Variants in GABRA5 observed in about 807,000 individuals in gnomAD.
The protein encoded by GABRA5 is gamma-aminobutyric acid type A receptor subunit alpha5.
A neutral mutation model predicts 47.3 loss-of-function variants in GABRA5; 18 were observed. The observed-to-expected ratio is 0.38, with a 90% CI of 0.26 to 0.56. The LOEUF (loss-of-function observed/expected upper bound fraction) is 0.56. Ranked by LOEUF, GABRA5 falls within the 20% of genes least tolerant of loss-of-function variation. The pLI, the probability that GABRA5 is intolerant of heterozygous loss-of-function variation, is 0.71. For missense variants in GABRA5, 365 were observed against 599.3 expected (o/e 0.61, Z 4.08); for synonymous variants, 237 against 229.3 (o/e 1.03, Z -0.30).
At chr15:26,889,988 T>A (rs1892966646) in intron 6 of GABRA5, among the ~76,000 whole-genome samples, 1 of 152,246 alleles carries the variant, frequency 6.6e-6, no homozygotes, top group South Asian at 2.1e-4. Context: ...TTTACAATTT[T>A]AAAATATACA....
intron 7 of GABRA5, among the ~76,000 whole-genome samples, chr15:26,929,218 CTG>C (rs533832444): frequency 1.3e-3 from 202 of 152,298 alleles, no homozygotes; most frequent in African/African-American, 4.6e-3. Context: ...AGCTGTGAAA[CTG>C]TGACCAGACA....
At chr15:26,896,218 A>T (rs1460008909) in intron 6 of GABRA5, among the ~76,000 whole-genome samples, 2 of 152,202 alleles carry the variant, frequency 1.3e-5, no homozygotes, top group Non-Finnish European at 2.9e-5. Flanking sequence ...ACAAACATTT[A>T]TCGGTGTCTC....
intron 6 of GABRA5, among the ~76,000 whole-genome samples, chr15:26,911,390 C>CACACAA (rs1555391764): frequency 8.8e-5 from 13 of 147,214 alleles, no homozygotes; most frequent in African/African-American, 2.5e-4. Context: ...CACACACACA[C>CACACAA]ACACACAAAC....
At chr15:26,932,937 G>T (rs1894143891) in intron 7 of GABRA5, among the ~76,000 whole-genome samples, 7 of 152,054 alleles carry the variant, frequency 4.6e-5, no homozygotes. Context: ...CACACACTGA[G>T]GCCTGTGGTG....
intron 7 of GABRA5, among the ~76,000 whole-genome samples, chr15:26,933,189 G>A (rs1894151172): frequency 6.6e-6 from 1 of 152,150 alleles, no homozygotes; most frequent in South Asian, 2.1e-4. Context: ...GGGGCTGAAA[G>A]CAAAAGCTGG....
At chr15:26,875,203 A>G (rs1374825169) in intron 3 of GABRA5, among the ~76,000 whole-genome samples, 1 of 151,752 alleles carries the variant, frequency 6.6e-6, no homozygotes, top group Non-Finnish European at 1.5e-5. Flanking sequence ...TGTCCAGGAG[A>G]CTCCTGGGGT....
intron 6 of GABRA5, among the ~76,000 whole-genome samples, chr15:26,886,817 A>G (rs1892891786): frequency 6.6e-6 from 1 of 152,170 alleles, no homozygotes; most frequent in African/African-American, 2.4e-5. Context: ...CAAGGTTGAT[A>G]ATGAGTTTTC....
At chr15:26,939,382 G>C (rs764832743) in intron 8 of GABRA5, 1 of 765,156 alleles carries the variant, frequency 1.3e-6, no homozygotes, top group Non-Finnish European at 2.4e-6. Context: ...CACCTCTCTG[G>C]TAGGTGGCAG....
chr15:26,916,729 GTTTTC>G (rs796876881), intron 7 of GABRA5, among the ~76,000 whole-genome samples: 30 of 151,940 alleles, frequency 2.0e-4, no homozygotes, highest in African/African-American at 6.7e-4. Flanking sequence ...ATTTGTTTGT[GTTTTC>G]TTTAATTTAT....
chr15:26,894,311 C>T (rs1320172775), intron 6 of GABRA5, among the ~76,000 whole-genome samples: 1 of 152,200 alleles, frequency 6.6e-6, no homozygotes, highest in Non-Finnish European at 1.5e-5. Flanking sequence ...TCCAGAGAGG[C>T]CGGTGTGCGT....
In GABRA5 at chr15:26,943,256, G is replaced by A. The variant is rs1356654135; in HGVS notation, c.919G>A (p.Ala307Thr). 9 of 1,563,582 alleles carry A rather than the reference G, an allele frequency of 5.8e-6. No individual in the cohort carries two copies. Among genetic ancestry groups the A allele is most frequent in the Admixed American group, 1.9e-5 (1 of 52,518 alleles). ...GACCATGACGACCCTCAGCATCAGCGCCAGGAACTCTCTGCCCAAAGTGGC... is the reference window on the plus strand; with the variant it reads ...GACCATGACGACCCTCAGCATCAGCACCAGGAACTCTCTGCCCAAAGTGGC... ...VLTMTTLSIS[A>T]RNSLPKVAYA... Residue 307 changes from alanine to threonine, a missense_variant, in exon 10 of 11, where the codon GCC becomes ACC. Physicochemically the swap from Ala to Thr is moderately conservative, Grantham distance 58 (BLOSUM62 0). Around this residue, in one of 3 missense-constraint regions of GABRA5, gnomAD observed 43 missense variants for 133.7 expected, o/e 0.32. Transcript: ENST00000335625.
intron 6 of GABRA5, among the ~76,000 whole-genome samples, chr15:26,895,579 G>A (rs949183249): frequency 9.9e-5 from 15 of 151,962 alleles, no homozygotes; most frequent in African/African-American, 3.6e-4. Context: ...TTGGGTGGCC[G>A]AAGCTGGCGG....
At chr15:26,915,026 C>T in intron 7 of GABRA5, 141 bp downstream of exon 7, 2 of 697,668 alleles carry the variant, frequency 2.9e-6, no homozygotes, top group Non-Finnish European at 5.0e-6. Flanking sequence ...GTGTATTGTT[C>T]TCCCCAGACT....
At chr15:26,902,208 G>A (rs1210910625) in intron 6 of GABRA5, among the ~76,000 whole-genome samples, 1 of 151,998 alleles carries the variant, frequency 6.6e-6, no homozygotes, top group Non-Finnish European at 1.5e-5. Flanking sequence ...GATTGGCATT[G>A]CATAGCATCT....
Position 26,886,663 on chromosome 15 carries a change from C to T in GABRA5, c.497+3106C>T, listed in dbSNP as rs530551174. Among the ~76,000 whole-genome samples the T allele has an allele frequency of 4.6e-5, 7 of 152,208 alleles. No individual in the cohort carries two copies. The East Asian group carries it at 9.7e-4, about 21-fold the overall frequency. Reference sequence around the variant, plus strand: ...GTTTAATCCACCACATTTGAAAATTCGAGGGACACAACATCATTAGATTGA... The same window carrying T: ...GTTTAATCCACCACATTTGAAAATTTGAGGGACACAACATCATTAGATTGA... On this transcript the variant is annotated intron_variant, in intron 6 of 10. Transcript: ENST00000335625.
Position 26,867,483 on chromosome 15 carries a change from G to A in GABRA5, c.-140+372G>A, listed in dbSNP as rs574473360. 256 of 152,456 alleles carry A rather than the reference G, an allele frequency of 1.7e-3. 1 individual carries two copies. Among genetic ancestry groups the A allele is most frequent in the African/African-American group, 5.7e-3 (238 of 41,520 alleles). The allele number at this position is 152,456 out of a possible 1,614,324, so 9.4% of individuals were successfully genotyped here. A position where few individuals can be genotyped will look rare whatever the true frequency, so the allele number is the denominator to read the frequency against. Reference sequence around the variant, plus strand: ...GCTCGGTCCGCACCCTTCTCCTCGGGGCGCCTGAGCGGCAGGCTGCGTGGC... The same window carrying A: ...GCTCGGTCCGCACCCTTCTCCTCGGAGCGCCTGAGCGGCAGGCTGCGTGGC... On this transcript the variant is annotated intron_variant, in intron 1 of 10. Coordinates refer to ENST00000335625, the MANE Select transcript of GABRA5 (RefSeq NM_000810.4). This position sits in a 1 kb window ranked among gnomAD's most constrained non-coding sequence, Gnocchi z 5.9.
intron 6 of GABRA5, 111 bp from the exon 7 acceptor site, chr15:26,914,692 G>A (rs758414066): frequency 2.6e-6 from 2 of 758,422 alleles, no homozygotes; most frequent in South Asian, 1.5e-5. Flanking sequence ...AATCTCATAA[G>A]AGACATTAAT....
At chr15:26,944,253 G>T (rs1894458690) in intron 10 of GABRA5, among the ~76,000 whole-genome samples, 1 of 152,220 alleles carries the variant, frequency 6.6e-6, no homozygotes, top group South Asian at 2.1e-4. Flanking sequence ...AGCAGAGCAG[G>T]AGGCCCTGGT....
intron 7 of GABRA5, among the ~76,000 whole-genome samples, chr15:26,936,160 A>T (rs1168457545): frequency 6.6e-6 from 1 of 152,016 alleles, no homozygotes; most frequent in Non-Finnish European, 1.5e-5. Flanking sequence ...TTCCGCCATG[A>T]TTGTATGTTT....
Sources: gnomAD v4.1 joint callset for allele counts (sites outside exome capture counted in the v4.1 genomes callset) on GRCh38, gnomAD v4.1.1 for gene constraint, gnomAD v4.1.1 regional missense constraint, Gnocchi (gnomAD v3.1) non-coding constraint, MANE v1.5 for transcripts, NCBI Gene and HGNC (gene_info 2026-07-23, HGNC 2026-07-21) for gene names.